The following POLA1 variants were observed in gnomAD, a reference collection of about 807,000 sequenced individuals.
POLA1 encodes DNA polymerase alpha catalytic subunit.
In POLA1, 15 loss-of-function variants were observed where a neutral mutation model predicts 124.0. The ratio of observed to expected loss-of-function variants is 0.12; its 90% CI spans 0.08 to 0.19. The LOEUF (loss-of-function observed/expected upper bound fraction) is 0.19. POLA1 is among the 10% of genes least tolerant of loss of function. POLA1 has a pLI of 1.00. For missense variants in POLA1, 886 were observed against 1,103.4 expected (o/e 0.80, Z 2.79); for synonymous variants, 408 against 389.4 (o/e 1.05, Z -0.56).
At chrX:24,799,820 G>A (rs914714136) in intron 26 of POLA1, among the ~76,000 whole-genome samples, 2 of 111,844 alleles carry the variant, frequency 1.8e-5, no homozygotes, top group Non-Finnish European at 3.8e-5. Flanking sequence ...AACCTAATGG[G>A]TGGGTTTATA....
intron 26 of POLA1, among the ~76,000 whole-genome samples, chrX:24,808,617 G>A (rs1327982620): frequency 9.0e-6 from 1 of 110,749 alleles, no homozygotes; most frequent in Non-Finnish European, 1.9e-5. Flanking sequence ...CCACCCCCCA[G>A]GTAGGAGAAA....
intron 36 of POLA1, among the ~76,000 whole-genome samples, chrX:24,993,724 T>C (rs910985676): frequency 3.6e-5 from 4 of 111,895 alleles, no homozygotes; most frequent in African/African-American, 1.3e-4. Context: ...TTCTGTTTCC[T>C]AGAAGACCTT....
intron 26 of POLA1, 50 bp from the exon 27 acceptor site, chrX:24,809,848 A>T (rs761489616): frequency 1.3e-6 from 1 of 758,176 alleles, no homozygotes; most frequent in East Asian, 3.3e-5. Context: ...GCTTCTATTT[A>T]TGTCTTTATA....
At chrX:24,930,887 T>C (rs750834950) in intron 36 of POLA1, among the ~76,000 whole-genome samples, 19 of 112,509 alleles carry the variant, frequency 1.7e-4, no homozygotes, top group Non-Finnish European at 3.4e-4. Flanking sequence ...ACGTGATCAT[T>C]GGGCCTACAA....
chrX:24,920,301 C>G (rs1464122963), intron 35 of POLA1, among the ~76,000 whole-genome samples: 1 of 111,909 alleles, frequency 8.9e-6, no homozygotes, highest in East Asian at 2.8e-4. Context: ...GAAAGCTTGT[C>G]TATTTGGCTT....
intron 35 of POLA1, among the ~76,000 whole-genome samples, chrX:24,915,231 A>G (rs1452744220): frequency 9.0e-6 from 1 of 111,430 alleles, no homozygotes; most frequent in Non-Finnish European, 1.9e-5. Flanking sequence ...TTTCTTTCCT[A>G]TTATTTTATT....
chrX:24,892,112 A>G (rs1412696864), intron 35 of POLA1, among the ~76,000 whole-genome samples: 1 of 111,085 alleles, frequency 9.0e-6, no homozygotes, highest in African/African-American at 3.3e-5. Context: ...AGGGTTTTAC[A>G]CGTGTATCTT....
At chrX:24,880,195 T>C (rs1390505855) in intron 34 of POLA1, among the ~76,000 whole-genome samples, 1 of 112,065 alleles carries the variant, frequency 8.9e-6, no homozygotes, top group Non-Finnish European at 1.9e-5. Context: ...GAGTGCTCCA[T>C]TATCCTTTCA....
At position 24,822,255 on chromosome X, in the gene POLA1, A is replaced by T. The variant is rs900221136; in HGVS notation, c.3561+672A>T. The stretch of plus-strand genomic sequence containing the variant: ...GCCCTTAACTATTTTAACAAAGGAG[A>T]GGTCTCATCCCTTCTATCTGTAAAG... On this transcript the variant is annotated intron_variant, in intron 31 of 36. Transcript: ENST00000379068. 4.5e-5 allele frequency among the ~76,000 whole-genome samples: 5 copies of T among 111,714 alleles called. No homozygotes were observed. The Admixed American group carries it at 4.7e-4, about 11-fold the overall frequency.
chrX:24,980,263 C>T (rs1322708604), intron 36 of POLA1, among the ~76,000 whole-genome samples: 2 of 112,027 alleles, frequency 1.8e-5, no homozygotes, highest in Non-Finnish European at 3.8e-5. Context: ...CAGTTAACAA[C>T]ATGAAATAAG....
In POLA1 at chrX:24,775,390, G is replaced by A. The variant is rs1040742105; in HGVS notation, c.2964+26398G>A. On this transcript the variant is annotated intron_variant, in intron 26 of 36. Coordinates refer to ENST00000379068, the MANE Select transcript of POLA1 (RefSeq NM_001330360.2). ...ATATGTTTTAGAGAAAGCATCTGTGGAATTTTACAGTGGATGTTCTTTTGT... is the reference window on the plus strand; with the variant it reads ...ATATGTTTTAGAGAAAGCATCTGTGAAATTTTACAGTGGATGTTCTTTTGT... 2.7e-5 allele frequency: 3 copies of A among 111,975 alleles called. No homozygotes were observed. The Admixed American group carries it at 2.9e-4, about 11-fold the overall frequency. The allele number at this position is 111,975 out of a possible 1,213,427, so 9.2% of individuals were successfully genotyped here.
chrX:24,823,550 C>T (rs996513415), intron 31 of POLA1, among the ~76,000 whole-genome samples: 3 of 110,789 alleles, frequency 2.7e-5, no homozygotes, highest in African/African-American at 6.6e-5. Context: ...TACAGGCACG[C>T]GCCACCATGC....
rs781633550 is a variant in POLA1 at position 24,824,460 on chromosome X, C to CTT, written c.3562-1948_3562-1947dup. Among the ~76,000 whole-genome samples, 542 of 67,075 alleles carry CTT rather than the reference C, an allele frequency of 8.1e-3. 7 individuals are homozygous for CTT. The highest frequency in any genetic ancestry group is 0.03 in the African/African-American group (517 of 17,154). The allele number at this position is 67,075 out of a possible 115,157, so 58.2% of individuals were successfully genotyped here. On this transcript the variant is annotated intron_variant, in intron 31 of 36. Coordinates refer to ENST00000379068, the MANE Select transcript of POLA1 (RefSeq NM_001330360.2). ...GATGCATGCCTCCATGCCTGGCTAA[C>CTT]TTTTTTTTTTTTTTTTTTTTGGTCA...
At chrX:24,734,762 C>T (rs951713248) in intron 17 of POLA1, among the ~76,000 whole-genome samples, 4 of 110,559 alleles carry the variant, frequency 3.6e-5, no homozygotes, top group South Asian at 7.9e-4. Flanking sequence ...ATTACAGGCT[C>T]GTGGCACCAC....
chrX:24,946,068 G>A (rs2047957117), intron 36 of POLA1, among the ~76,000 whole-genome samples: 1 of 111,392 alleles, frequency 9.0e-6, no homozygotes, highest in African/African-American at 3.3e-5. Flanking sequence ...GAAGGAATAG[G>A]GCTGCTGGGG....
rs1020777451 is a variant in POLA1 at position 24,704,413 on chromosome X, G to T, written c.290G>T (p.Gly97Val). The T allele has an allele frequency of 1.7e-6, 2 of 1,201,506 alleles. No homozygotes were observed. Among genetic ancestry groups the T allele is most frequent in the Non-Finnish European group, 2.3e-6 (2 of 887,614 alleles). The change falls in exon 4 of 37, where the codon GGC becomes GTC. Residue 97 changes from glycine to valine, a missense_variant. Coordinates refer to ENST00000379068, the MANE Select transcript of POLA1 (RefSeq NM_001330360.2). ...DDDGIGYVEDGREIFDDDLED... is the reference protein window; with the variant it reads ...DDDGIGYVEDVREIFDDDLED... Reference sequence around the variant, plus strand: ...GATGGTATTGGCTATGTGGAAGATGGCCGAGAGATTTTTGATGATGACCTT... The same window carrying T: ...GATGGTATTGGCTATGTGGAAGATGTCCGAGAGATTTTTGATGATGACCTT...
intron 34 of POLA1, among the ~76,000 whole-genome samples, chrX:24,849,439 T>A (rs2046520761): frequency 8.9e-6 from 1 of 112,226 alleles, no homozygotes; most frequent in Non-Finnish European, 1.9e-5. Flanking sequence ...ACTGCATTTT[T>A]AAAATGTGAT....
chrX:24,946,652 A>T (rs762055595), intron 36 of POLA1, among the ~76,000 whole-genome samples: 1 of 111,727 alleles, frequency 9.0e-6, no homozygotes, highest in Non-Finnish European at 1.9e-5. Flanking sequence ...CCTCCCAGCC[A>T]TAAGTGATCT....
intron 17 of POLA1, 79 bp downstream of exon 17, chrX:24,733,895 A>G: frequency 1.9e-6 from 1 of 537,797 alleles, no homozygotes; most frequent in Non-Finnish European, 3.1e-6. Flanking sequence ...AGTAGAAAAA[A>G]GGTGTTTTAT....
Sources: gnomAD v4.1 joint callset for allele counts (sites outside exome capture counted in the v4.1 genomes callset) on GRCh38, gnomAD v4.1.1 for gene constraint, MANE v1.5 for transcripts, NCBI Gene and HGNC (gene_info 2026-07-23, HGNC 2026-07-21) for gene names.